The following HMGN5 variants were observed in gnomAD, a reference collection of about 807,000 sequenced individuals.
HMGN5 encodes the protein high mobility group nucleosome-binding domain-containing protein 5.
Under a neutral mutation model 9.5 loss-of-function variants are expected in HMGN5, and 4 were observed. The ratio of observed to expected loss-of-function variants is 0.42; its 90% CI spans 0.21 to 0.96. HMGN5 has a LOEUF of 0.96. Among genes scored for constraint, HMGN5 ranks in the 40% least tolerant of loss-of-function variants. The pLI, the probability that HMGN5 is intolerant of heterozygous loss-of-function variation, is 0.30. For synonymous variants in HMGN5, 55 were observed against 57.1 expected, an observed-to-expected ratio of 0.96 and a Z score of 0.16; for missense variants, 192 against 187.5, an observed-to-expected ratio of 1.02 and a Z score of -0.14.
intron 1 of HMGN5, among the ~76,000 whole-genome samples, chrX:81,133,222 G>A (rs1035393846): frequency 2.9e-4 from 32 of 111,602 alleles, no homozygotes; most frequent in African/African-American, 1.0e-3. Context: ...CTGTGAGGTT[G>A]TGGAGAAAAA....
chrX:81,150,120 A>T (rs887702739), intron 1 of HMGN5, among the ~76,000 whole-genome samples: 5 of 112,673 alleles, frequency 4.4e-5, no homozygotes, highest in African/African-American at 1.6e-4. Flanking sequence ...TCTTTTCCTC[A>T]GCACATAAAT....
At chrX:81,116,471 G>A in intron 5 of HMGN5, 130 bp from the exon 6 acceptor site, 2 of 406,609 alleles carry the variant, frequency 4.9e-6, no homozygotes, top group Non-Finnish European at 4.1e-6. Flanking sequence ...ATATAAATCT[G>A]GTATCAACAA....
At chrX:81,154,766 G>A (rs1410531169) in intron 1 of HMGN5, among the ~76,000 whole-genome samples, 4 of 110,454 alleles carry the variant, frequency 3.6e-5, no homozygotes, top group African/African-American at 3.3e-5. Context: ...CATATGAAAA[G>A]GTGCTCAACA....
intron 2 of HMGN5, among the ~76,000 whole-genome samples, chrX:81,120,351 C>G (rs745552414): frequency 9.9e-5 from 11 of 110,995 alleles, no homozygotes; most frequent in African/African-American, 3.6e-4. Context: ...AACTGGCCGC[C>G]GATTTTAAAA....
chrX:81,158,700 T>C (rs2075390456), intron 1 of HMGN5, among the ~76,000 whole-genome samples: 2 of 112,297 alleles, frequency 1.8e-5, no homozygotes, highest in East Asian at 5.6e-4. Context: ...TTGCTTTTGT[T>C]GTAATTGCTT....
At chrX:81,149,021 C>A (rs2075353501) in intron 1 of HMGN5, among the ~76,000 whole-genome samples, 1 of 111,952 alleles carries the variant, frequency 8.9e-6, no homozygotes, top group Non-Finnish European at 1.9e-5. Flanking sequence ...CACTTTTACA[C>A]TGTTGGTGAG....
intron 1 of HMGN5, among the ~76,000 whole-genome samples, chrX:81,145,442 C>T (rs1044981072): frequency 1.8e-5 from 2 of 111,922 alleles, no homozygotes; most frequent in South Asian, 7.4e-4. Context: ...TCCTTTCAGA[C>T]AAGCAAATGC....
intron 1 of HMGN5, among the ~76,000 whole-genome samples, chrX:81,139,319 G>A (rs1569343325): frequency 8.9e-6 from 1 of 111,771 alleles, no homozygotes; most frequent in African/African-American, 3.3e-5. Flanking sequence ...AATCAATGAA[G>A]GGTAGTCTTT....
intron 1 of HMGN5, chrX:81,197,858 G>A (rs182699442): frequency 2.7e-5 from 3 of 110,070 alleles, no homozygotes; most frequent in African/African-American, 9.9e-5. Flanking sequence ...CTGTTGCATA[G>A]GCCGAAAAGT....
chrX:81,167,605 C>A (rs902708693), intron 1 of HMGN5, among the ~76,000 whole-genome samples: 1 of 111,854 alleles, frequency 8.9e-6, no homozygotes, highest in Non-Finnish European at 1.9e-5. Context: ...ACCAACTGAA[C>A]TGATTTAATA....
chrX:81,151,814 G>C (rs1195593768), intron 1 of HMGN5, among the ~76,000 whole-genome samples: 88 of 110,703 alleles, frequency 7.9e-4, no homozygotes, highest in African/African-American at 2.7e-3. Context: ...CTGAGACTTT[G>C]CTGAAGTTGC....
In HMGN5 at chrX:81,116,214, T is replaced by C. The variant is rs769190640; in HGVS notation, c.257A>G (p.Lys86Arg). The change falls in exon 6 of 7, where the codon AAA (lysine) becomes AGA (arginine). Residue 86 changes from lysine to arginine, a missense_variant. Physicochemically the swap from Lys to Arg is conservative, Grantham distance 26. Coordinates refer to ENST00000358130, the MANE Select transcript of HMGN5 (RefSeq NM_030763.3). ...YNENAKNGEA[K>R]ITEAPASEKE... is the part of the protein sequence containing the mutation. ...AACATTAGAAAATACCTCTGTAATT[T>C]TGGCTTCTCCATTTTTAGCATTTTC... The C allele has an allele frequency of 3.9e-5, 47 of 1,192,623 alleles. No individual in the cohort carries two copies. Among genetic ancestry groups the C allele is most frequent in the Non-Finnish European group, 5.2e-5 (46 of 881,323 alleles).
At chrX:81,190,221 C>G (rs1382424556) in intron 1 of HMGN5, among the ~76,000 whole-genome samples, 1 of 111,782 alleles carries the variant, frequency 8.9e-6, no homozygotes, top group African/African-American at 3.2e-5. Flanking sequence ...TAAACATTTT[C>G]TCCCAGTCTC....
At chrX:81,163,901 T>C (rs5959831) in intron 1 of HMGN5, among the ~76,000 whole-genome samples, 2,134 of 111,518 alleles carry the variant, frequency 0.019, 48 homozygotes, top group African/African-American at 0.066. Context: ...ATTTATTGTA[T>C]AGGCCTTCAA....
intron 1 of HMGN5, among the ~76,000 whole-genome samples, chrX:81,177,315 C>A (rs2075445144): frequency 1.1e-5 from 1 of 91,200 alleles, no homozygotes; most frequent in Admixed American, 1.3e-4. Context: ...ATTTTGTCAC[C>A]ACCAGGCTCA....
At chrX:81,166,502 C>T (rs2075411767) in intron 1 of HMGN5, among the ~76,000 whole-genome samples, 1 of 111,520 alleles carries the variant, frequency 9.0e-6, no homozygotes, top group South Asian at 3.7e-4. Context: ...GAACATGAAT[C>T]ACCAGATTCT....
At chrX:81,126,643 A>G (rs12394450) in intron 1 of HMGN5, among the ~76,000 whole-genome samples, 122 of 111,654 alleles carry the variant, frequency 1.1e-3, no homozygotes, top group African/African-American at 3.7e-3. Flanking sequence ...GAAGATTTCT[A>G]ACATCCAGTA....
At position 81,114,154 on chromosome X, in the gene HMGN5, T is replaced by A. The variant is rs780792273; in HGVS notation, c.*495A>T. ...AAAACTGCCCTTCTGAAATAAACAT[T>A]TGTATTTATTTTAAAAATGGGAATA... On this transcript the variant is annotated 3_prime_UTR_variant, in exon 7 of 7. Transcript: ENST00000358130. 1 of 112,155 alleles carries A rather than the reference T, an allele frequency of 8.9e-6. No homozygotes were observed. The highest frequency in any genetic ancestry group is 3.2e-5 in the African/African-American group (1 of 30,939). The allele number at this position is 112,155 out of a possible 1,213,427, so 9.2% of individuals were successfully genotyped here.
At chrX:81,185,395 TCTTGA>T (rs1327134861) in intron 1 of HMGN5, among the ~76,000 whole-genome samples, 2 of 111,575 alleles carry the variant, frequency 1.8e-5, no homozygotes, top group Non-Finnish European at 3.8e-5. Context: ...GGGGTTACTT[TCTTGA>T]CTTATTTTTC....
Sources: gnomAD v4.1 joint callset for allele counts (sites outside exome capture counted in the v4.1 genomes callset) on GRCh38, gnomAD v4.1.1 for gene constraint, MANE v1.5 for transcripts, NCBI Gene and HGNC (gene_info 2026-07-23, HGNC 2026-07-21) for gene names.